ERICH5: variants seen among roughly 807,000 people sequenced by gnomAD.
ERICH5 encodes glutamate rich 5.
Under a neutral mutation model 28.0 loss-of-function variants are expected in ERICH5, and 24 were observed. The observed-to-expected ratio is 0.86, with a 90% CI of 0.62 to 1.21. ERICH5 has a LOEUF of 1.21. Among genes scored for constraint, ERICH5 ranks in the 50% most tolerant of loss-of-function variants. The probability of loss-of-function intolerance (pLI) is 0.00; values close to 1 mark genes in which losing one functional copy is unlikely to be tolerated. For synonymous variants in ERICH5, 163 were observed against 157.6 expected (o/e 1.03, Z -0.25); for missense variants, 421 against 441.2 (o/e 0.95, Z 0.41).
At position 98,075,785 on chromosome 8, in the gene ERICH5, C is replaced by CTTTTTTTTTTTTTTTTTT. The variant is rs1296283210; in HGVS notation, c.58+11060_58+11077dup. On this transcript the variant is annotated intron_variant, in intron 1 of 2. Transcript: ENST00000318528. ...TAACTCCCATCTCAAGCACACCTGC[C>CTTTTTTTTTTTTTTTTTT]TTTTTTTTTTTTTTTTTTTGAGACA... 1.1e-3 allele frequency among the ~76,000 whole-genome samples: 92 copies of CTTTTTTTTTTTTTTTTTT among 81,648 alleles called. 18 individuals are homozygous for CTTTTTTTTTTTTTTTTTT. Among genetic ancestry groups the CTTTTTTTTTTTTTTTTTT allele is most frequent in the African/African-American group, 2.4e-3 (53 of 21,718 alleles). The allele number at this position is 81,648 out of a possible 152,430, so 53.6% of individuals were successfully genotyped here.
At chr8:98,091,864 C>CTTTA (rs1815395832) in intron 2 of ERICH5, among the ~76,000 whole-genome samples, 2 of 87,852 alleles carry the variant, frequency 2.3e-5, no homozygotes, top group East Asian at 7.3e-4. Flanking sequence ...TTCTTTCTTT[C>CTTTA]TTTCTTTCTT....
intron 1 of ERICH5, among the ~76,000 whole-genome samples, chr8:98,084,499 G>C (rs1489469494): frequency 2.0e-5 from 3 of 152,240 alleles, no homozygotes; most frequent in Admixed American, 2.0e-4. Flanking sequence ...TCCTGCCTCA[G>C]CCTCCCAAGT....
chr8:98,072,304 T>A (rs1185181295), intron 1 of ERICH5, among the ~76,000 whole-genome samples: 2 of 152,136 alleles, frequency 1.3e-5, no homozygotes, highest in African/African-American at 4.8e-5. Flanking sequence ...TGCACAAATA[T>A]CATATTCTGT....
In ERICH5 at chr8:98,082,913, CAT is replaced by C. The variant is rs200607039; in HGVS notation, c.59-6162_59-6161del. Among the ~76,000 whole-genome samples, 1,047 of 152,246 alleles carry C rather than the reference CAT, an allele frequency of 6.9e-3. 2 individuals are homozygous for C. Among genetic ancestry groups the C allele is most frequent in the Non-Finnish European group, 0.011 (741 of 68,014 alleles). On this transcript the variant is annotated intron_variant, in intron 1 of 2. Coordinates refer to ENST00000318528, the MANE Select transcript of ERICH5 (RefSeq NM_173549.3). ...AATGAAAGTGAATGGATATTGTGAT[CAT>C]GGGTATAAATATTATAGCTATGGCA...
At chr8:98,092,916 C>T (rs1362295691) in intron 2 of ERICH5, among the ~76,000 whole-genome samples, 1 of 151,912 alleles carries the variant, frequency 6.6e-6, no homozygotes, top group South Asian at 2.1e-4. Context: ...GCTGGGATTA[C>T]AGGCTTGTGC....
At chr8:98,069,897 A>G (rs2513823) in intron 1 of ERICH5, among the ~76,000 whole-genome samples, 13,784 of 152,318 alleles carry the variant, frequency 0.09, 774 homozygotes, top group East Asian at 0.19. Flanking sequence ...AAACATACAC[A>G]TGGGACAGAA....
chr8:98,071,332 G>A (rs1455697880), intron 1 of ERICH5, among the ~76,000 whole-genome samples: 1 of 152,160 alleles, frequency 6.6e-6, no homozygotes, highest in Non-Finnish European at 1.5e-5. Flanking sequence ...CAGCTCATGT[G>A]TACAGTTTCA....
chr8:98,066,746 A>G (rs1323987217), intron 1 of ERICH5, among the ~76,000 whole-genome samples: 1 of 152,182 alleles, frequency 6.6e-6, no homozygotes, highest in African/African-American at 2.4e-5. Context: ...CTAACCCTCG[A>G]TCAAACAATA....
At chr8:98,083,565 A>G in intron 1 of ERICH5, among the ~76,000 whole-genome samples, 1 of 152,034 alleles carries the variant, frequency 6.6e-6, no homozygotes, top group East Asian at 1.9e-4. Flanking sequence ...ATTCACACCT[A>G]GTCTCTGAGG....
At chr8:98,070,583 A>G (rs1814895161) in intron 1 of ERICH5, among the ~76,000 whole-genome samples, 1 of 141,910 alleles carries the variant, frequency 7.0e-6, no homozygotes. Flanking sequence ...AGGCTGAGGC[A>G]GGAGAATCGC....
Position 98,089,533 on chromosome 8 carries a change from A to G in ERICH5, c.516A>G (p.Ala172=), listed in dbSNP as rs761432288. ...QAAVEKDSLR[A]VEVTENPQTA... ...CAGTAGAGAAGGACTCTCTCAGAGC[A>G]GTGGAGGTCACTGAGAATCCACAAA... The change falls in exon 2 of 3, where the codon GCA becomes GCG. Residue 172 remains alanine (A), a synonymous_variant. Transcript: ENST00000318528. The G allele has an allele frequency of 3.1e-6, 5 of 1,614,096 alleles. No individual in the cohort carries two copies. Among genetic ancestry groups the G allele is most frequent in the Non-Finnish European group, 4.2e-6 (5 of 1,180,044 alleles).
intron 2 of ERICH5, among the ~76,000 whole-genome samples, chr8:98,090,838 G>T (rs1017340566): frequency 3.3e-5 from 5 of 152,036 alleles, no homozygotes; most frequent in Non-Finnish European, 7.4e-5. Context: ...TTTACATTTT[G>T]GTAAATTTTA....
chr8:98,083,124 G>C (rs1467325837), intron 1 of ERICH5, among the ~76,000 whole-genome samples: 2 of 152,070 alleles, frequency 1.3e-5, no homozygotes, highest in East Asian at 3.9e-4. Context: ...CACAATTTTT[G>C]CTCTAGGAGA....
At chr8:98,091,075 C>T (rs1296005618) in intron 2 of ERICH5, among the ~76,000 whole-genome samples, 1 of 152,072 alleles carries the variant, frequency 6.6e-6, no homozygotes, top group Non-Finnish European at 1.5e-5. Context: ...GTAGCTGGGA[C>T]TACAGGCGCA....
chr8:98,070,339 C>G (rs972960529), intron 1 of ERICH5, among the ~76,000 whole-genome samples: 17 of 151,936 alleles, frequency 1.1e-4, no homozygotes, highest in Admixed American at 7.2e-4. Context: ...GCCTGGGCAA[C>G]ACAGTGAGAC....
At chr8:98,066,783 T>G (rs942228006) in intron 1 of ERICH5, among the ~76,000 whole-genome samples, 2 of 152,262 alleles carry the variant, frequency 1.3e-5, no homozygotes, top group East Asian at 3.8e-4. Context: ...TACTATTCTG[T>G]GTTCATCAAC....
At chr8:98,081,345 A>G (rs547880292) in intron 1 of ERICH5, among the ~76,000 whole-genome samples, 2 of 152,158 alleles carry the variant, frequency 1.3e-5, no homozygotes, top group Admixed American at 1.3e-4. Flanking sequence ...GGCTCAAGTG[A>G]TCCACCTGCC....
chr8:98,075,522 G>A (rs1408613700), intron 1 of ERICH5, among the ~76,000 whole-genome samples: 1 of 152,074 alleles, frequency 6.6e-6, no homozygotes, highest in Non-Finnish European at 1.5e-5. Flanking sequence ...CCTAAGCATG[G>A]AACTGAAGTC....
chr8:98,073,484 ATGT>A lies in ERICH5; in HGVS notation c.58+8758_58+8760del, dbSNP rs1814977706. Among the ~76,000 whole-genome samples the A allele has an allele frequency of 5.9e-3, 16 of 2,704 alleles. 4 individuals are homozygous for A. The highest frequency in any genetic ancestry group is 0.024 in the African/African-American group (15 of 630). The allele number at this position is 2,704 out of a possible 152,430, so 1.8% of individuals were successfully genotyped here. ...TGTATATATATATATATATATATATATGTATATATATATATATATATATATATA... is the reference window on the plus strand; with the variant it reads ...TGTATATATATATATATATATATATAATATATATATATATATATATATATA... On this transcript the variant is annotated intron_variant, in intron 1 of 2. Coordinates refer to ENST00000318528, the MANE Select transcript of ERICH5 (RefSeq NM_173549.3).
Sources: allele counts gnomAD v4.1 joint callset (sites outside exome capture counted in the v4.1 genomes callset), GRCh38; gene constraint gnomAD v4.1.1; transcripts MANE v1.5; gene names NCBI Gene and HGNC (gene_info 2026-07-23, HGNC 2026-07-21).